The following SETBP1 variants were observed in gnomAD, a reference collection of about 807,000 sequenced individuals.
The protein encoded by SETBP1 is SET binding protein 1.
In SETBP1, 9 loss-of-function variants were observed where a neutral mutation model predicts 101.0. The observed-to-expected ratio is 0.09, with a 90% CI of 0.05 to 0.16. The LOEUF is 0.16. SETBP1 is among the 10% of genes least tolerant of loss of function. SETBP1 has a pLI of 1.00. For synonymous variants in SETBP1, 818 were observed against 788.5 expected (o/e 1.04, Z -0.63); for missense variants, 1,858 against 2,033.8 (o/e 0.91, Z 1.66).
intron 4 of SETBP1, among the ~76,000 whole-genome samples, chr18:44,999,918 C>A (rs907085377): frequency 6.6e-6 from 1 of 152,116 alleles, no homozygotes. Flanking sequence ...TAAATACAGC[C>A]GAATTAAGAT....
At chr18:44,819,033 G>T (rs548773520) in intron 2 of SETBP1, among the ~76,000 whole-genome samples, 1 of 151,488 alleles carries the variant, frequency 6.6e-6, no homozygotes, top group African/African-American at 2.4e-5. Context: ...TACTTTAATG[G>T]TTTACTATTA....
intron 4 of SETBP1, among the ~76,000 whole-genome samples, chr18:44,967,277 G>C (rs1425178775): frequency 5.3e-5 from 8 of 152,174 alleles, no homozygotes; most frequent in Non-Finnish European, 7.3e-5. Context: ...TAGAACTTGG[G>C]AATTCTCTGG....
chr18:44,965,325 A>G (rs1395879853), intron 4 of SETBP1, among the ~76,000 whole-genome samples: 5 of 149,934 alleles, frequency 3.3e-5, no homozygotes, highest in African/African-American at 5.0e-5. Context: ...ATCACTCAGA[A>G]CAAATCAAGT....
intron 3 of SETBP1, among the ~76,000 whole-genome samples, chr18:44,922,113 T>A (rs1427483669): frequency 6.6e-6 from 1 of 152,152 alleles, no homozygotes; most frequent in Non-Finnish European, 1.5e-5. Context: ...AAAAATAAAA[T>A]AAAGTGGCTT....
chr18:44,723,513 A>G (rs1011828631), intron 2 of SETBP1, among the ~76,000 whole-genome samples: 1 of 152,216 alleles, frequency 6.6e-6, no homozygotes, highest in Non-Finnish European at 1.5e-5. Context: ...GGGGGAAAAA[A>G]AACAACACCC....
chr18:44,814,018 G>A (rs2071920347), intron 2 of SETBP1, among the ~76,000 whole-genome samples: 1 of 152,100 alleles, frequency 6.6e-6, no homozygotes, highest in Non-Finnish European at 1.5e-5. Context: ...ATAAAGACGA[G>A]GGCCCTTGCC....
intron 3 of SETBP1, among the ~76,000 whole-genome samples, chr18:44,944,813 CA>C (rs1381900800): frequency 6.6e-6 from 1 of 151,874 alleles, no homozygotes; most frequent in Non-Finnish European, 1.5e-5. Context: ...TTCTTAGATT[CA>C]AATCACCATC....
chr18:44,930,275 A>T (rs1200351031), intron 3 of SETBP1, among the ~76,000 whole-genome samples: 1 of 152,224 alleles, frequency 6.6e-6, no homozygotes, highest in Admixed American at 6.5e-5. Context: ...CTTGCATCCC[A>T]GGGATGAAGC....
chr18:44,846,815 A>G (rs2072733664), intron 2 of SETBP1, among the ~76,000 whole-genome samples: 1 of 152,252 alleles, frequency 6.6e-6, no homozygotes. Flanking sequence ...CCAATATTTT[A>G]TAGAAATCCC....
Position 44,701,410 on chromosome 18 carries a change from G to T in SETBP1, c.64G>T (p.Val22Phe), listed in dbSNP as rs1187725431. 5 of 1,581,186 alleles carry T rather than the reference G, an allele frequency of 3.2e-6. No individual in the cohort carries two copies. In the South Asian group the frequency reaches 4.6e-5, roughly 14 times the overall value. The part of the protein sequence containing the change: ...QRGGESDFLP[V>F]SSAKPPAAPG... ...AGGGGGCGAGTCAGACTTCCTGCCG[G>T]TCTCCTCAGCCAAGCCCCCAGCTGC... Residue 22 changes from valine to phenylalanine, a missense_variant, in exon 2 of 6, where the codon GTC becomes TTC. By Grantham distance (50) the Val-to-Phe change is conservative. Transcript: ENST00000649279.
At chr18:44,800,926 A>G (rs2071593885) in intron 2 of SETBP1, among the ~76,000 whole-genome samples, 1 of 152,178 alleles carries the variant, frequency 6.6e-6, no homozygotes, top group South Asian at 2.1e-4. Flanking sequence ...TGTGGCACAT[A>G]TACACCATGG....
chr18:44,999,072 G>A (rs1304267942), intron 4 of SETBP1, among the ~76,000 whole-genome samples: 5 of 152,128 alleles, frequency 3.3e-5, no homozygotes, highest in African/African-American at 1.2e-4. Context: ...TCATTCTTCT[G>A]TAAAGCAGGT....
intron 3 of SETBP1, among the ~76,000 whole-genome samples, chr18:44,935,950 G>A (rs1233065488): frequency 6.6e-6 from 1 of 152,200 alleles, no homozygotes. Flanking sequence ...AATTCTCAAA[G>A]AGGAGACAAG....
At chr18:44,833,421 A>G (rs1328365465) in intron 2 of SETBP1, among the ~76,000 whole-genome samples, 2 of 152,084 alleles carry the variant, frequency 1.3e-5, no homozygotes, top group Non-Finnish European at 2.9e-5. Context: ...GAATGAGGAG[A>G]GTCCCTGGGA....
intron 4 of SETBP1, among the ~76,000 whole-genome samples, chr18:45,034,012 G>C (rs1182460563): frequency 6.6e-6 from 1 of 152,140 alleles, no homozygotes; most frequent in African/African-American, 2.4e-5. Flanking sequence ...ATAAACCATG[G>C]AACAACATAC....
chr18:44,891,791 G>A (rs1004416116), intron 3 of SETBP1, among the ~76,000 whole-genome samples: 1 of 152,098 alleles, frequency 6.6e-6, no homozygotes, highest in Non-Finnish European at 1.5e-5. Context: ...AACCATTTTA[G>A]TTTCTGTATA....
At chr18:44,776,059 A>T (rs1011500255) in intron 2 of SETBP1, among the ~76,000 whole-genome samples, 4 of 152,178 alleles carry the variant, frequency 2.6e-5, no homozygotes, top group Admixed American at 6.5e-5. Context: ...ATCTCCTATG[A>T]AGTCCGGAGG....
chr18:44,846,508 T>A (rs1256184733), intron 2 of SETBP1, among the ~76,000 whole-genome samples: 2 of 152,240 alleles, frequency 1.3e-5, no homozygotes, highest in Non-Finnish European at 2.9e-5. Context: ...TGGAGTCATA[T>A]ACAGCATGTG....
intron 5 of SETBP1, among the ~76,000 whole-genome samples, chr18:45,048,080 G>A (rs1466020194): frequency 6.6e-6 from 1 of 152,190 alleles, no homozygotes; most frequent in Admixed American, 6.5e-5. Flanking sequence ...GCCTGACTGG[G>A]AACTCAGAAA....
Sources: gnomAD v4.1 joint callset for allele counts (sites outside exome capture counted in the v4.1 genomes callset) on GRCh38, gnomAD v4.1.1 for gene constraint, MANE v1.5 for transcripts, NCBI Gene and HGNC (gene_info 2026-07-23, HGNC 2026-07-21) for gene names.